The following TACR3 variants were observed in gnomAD, a reference collection of about 807,000 sequenced individuals.
The protein encoded by TACR3 is neuromedin-K receptor.
Under a neutral mutation model 35.0 loss-of-function variants are expected in TACR3, and 34 were observed. That is an observed-to-expected ratio of 0.97 (90% confidence interval 0.74 to 1.30). The LOEUF is 1.30. Among genes scored for constraint, TACR3 ranks in the 50% most tolerant of loss-of-function variants. TACR3 has a pLI of 0.00. For missense variants in TACR3, 558 were observed against 591.7 expected, an observed-to-expected ratio of 0.94 and a Z score of 0.59; for synonymous variants, 233 against 221.1, an observed-to-expected ratio of 1.05 and a Z score of -0.48.
chr4:103,673,527 G>T (rs1002646694), intron 1 of TACR3, among the ~76,000 whole-genome samples: 1 of 152,070 alleles, frequency 6.6e-6, no homozygotes, highest in Non-Finnish European at 1.5e-5. Context: ...ACATGGGCAT[G>T]GTTCGTGAAG....
chr4:103,701,888 CA>C (rs1298158917), intron 1 of TACR3, among the ~76,000 whole-genome samples: 4 of 152,104 alleles, frequency 2.6e-5, no homozygotes, highest in Non-Finnish European at 1.5e-5. Flanking sequence ...ACACCTTATA[CA>C]AAAATTAATT....
intron 3 of TACR3, among the ~76,000 whole-genome samples, chr4:103,642,048 A>G (rs1052670526): frequency 3.3e-5 from 5 of 152,042 alleles, no homozygotes; most frequent in African/African-American, 7.2e-5. Context: ...TTCAAGGTCT[A>G]CTGAACAGCA....
At chr4:103,690,613 A>T (rs1434081704) in intron 1 of TACR3, among the ~76,000 whole-genome samples, 2 of 152,132 alleles carry the variant, frequency 1.3e-5, no homozygotes, top group Non-Finnish European at 2.9e-5. Flanking sequence ...AGAGATGTGA[A>T]CACCATTCAC....
chr4:103,695,533 C>T (rs867039568), intron 1 of TACR3, among the ~76,000 whole-genome samples: 2 of 152,082 alleles, frequency 1.3e-5, no homozygotes, highest in Admixed American at 6.6e-5. Context: ...GTATATAATA[C>T]ATATAACATA....
At chr4:103,629,921 G>T (rs1189176446) in intron 3 of TACR3, among the ~76,000 whole-genome samples, 2 of 145,398 alleles carry the variant, frequency 1.4e-5, no homozygotes, top group Non-Finnish European at 3.0e-5. Context: ...GAGGCATCAC[G>T]CTACTTGACT....
intron 3 of TACR3, among the ~76,000 whole-genome samples, chr4:103,650,721 AT>A (rs1942612969): frequency 7.6e-5 from 4 of 52,646 alleles, no homozygotes; most frequent in South Asian, 8.6e-4. Flanking sequence ...ATATATATAA[AT>A]AAATATATAT....
At chr4:103,590,351 AG>A (rs1723866461) in intron 4 of TACR3, among the ~76,000 whole-genome samples, 1 of 152,230 alleles carries the variant, frequency 6.6e-6, no homozygotes, top group Non-Finnish European at 1.5e-5. Context: ...TAATTGAATT[AG>A]GCTGGCCAGT....
At chr4:103,705,135 A>T (rs955918468) in intron 1 of TACR3, among the ~76,000 whole-genome samples, 1 of 152,148 alleles carries the variant, frequency 6.6e-6, no homozygotes, top group African/African-American at 2.4e-5. Flanking sequence ...TTAAATCCTG[A>T]GTAGAAAAAA....
chr4:103,618,589 T>TG (rs1360993504), intron 3 of TACR3, among the ~76,000 whole-genome samples: 1 of 126,182 alleles, frequency 7.9e-6, no homozygotes, highest in African/African-American at 2.9e-5. Flanking sequence ...TTTTTTTTTT[T>TG]TTGTTCCATA....
At chr4:103,649,358 T>C (rs1339456654) in intron 3 of TACR3, among the ~76,000 whole-genome samples, 1 of 152,118 alleles carries the variant, frequency 6.6e-6, no homozygotes, top group Non-Finnish European at 1.5e-5. Context: ...AAGAACTCTT[T>C]GCCTAGTTCA....
chr4:103,703,497 A>G (rs1722711775), intron 1 of TACR3, among the ~76,000 whole-genome samples: 1 of 152,194 alleles, frequency 6.6e-6, no homozygotes, highest in Non-Finnish European at 1.5e-5. Flanking sequence ...ATATAAAACT[A>G]TATCGGACTG....
intron 1 of TACR3, among the ~76,000 whole-genome samples, chr4:103,701,565 G>C (rs552640811): frequency 2.6e-5 from 4 of 152,138 alleles, no homozygotes; most frequent in East Asian, 3.9e-4. Context: ...AGTACATATG[G>C]AACCAAAAAA....
intron 3 of TACR3, among the ~76,000 whole-genome samples, chr4:103,649,414 G>C: frequency 6.6e-6 from 1 of 152,004 alleles, no homozygotes; most frequent in Non-Finnish European, 1.5e-5. Flanking sequence ...TAGTTTCATA[G>C]TTTCAGGTCT....
chr4:103,673,747 T>C (rs1394913489), intron 1 of TACR3, among the ~76,000 whole-genome samples: 1 of 152,180 alleles, frequency 6.6e-6, no homozygotes, highest in Non-Finnish European at 1.5e-5. Flanking sequence ...AAGCACAATA[T>C]CTGCAAGGTG....
rs368204811 is a variant in TACR3 at position 103,645,049 on chromosome 4, A to G, written c.888+11145T>C. ...TACAACAAAGTACATAAAGATAAAT[A>G]AATTGGCATGGAAAAAGAGTCAGAC... On this transcript the variant is annotated intron_variant, in intron 3 of 4. Coordinates refer to ENST00000304883, the MANE Select transcript of TACR3 (RefSeq NM_001059.3). Among the ~76,000 whole-genome samples the G allele has an allele frequency of 3.6e-4, 54 of 152,000 alleles. No individual in the cohort carries two copies. In the East Asian group the frequency reaches 8.1e-3, roughly 23 times the overall value.
At chr4:103,683,824 T>C (rs1033929601) in intron 1 of TACR3, among the ~76,000 whole-genome samples, 4 of 139,760 alleles carry the variant, frequency 2.9e-5, no homozygotes, top group Non-Finnish European at 4.5e-5. Context: ...GGAGGAGAGA[T>C]GGGAGAAGAG....
chr4:103,638,836 A>G (rs1196127648), intron 3 of TACR3, among the ~76,000 whole-genome samples: 2 of 152,186 alleles, frequency 1.3e-5, no homozygotes, highest in Non-Finnish European at 2.9e-5. Context: ...AACACATGAA[A>G]AAATGCTCAT....
chr4:103,615,421 GA>G, intron 3 of TACR3, among the ~76,000 whole-genome samples: 1 of 151,180 alleles, frequency 6.6e-6, no homozygotes, highest in African/African-American at 2.4e-5. Flanking sequence ...GAGAGAGAGA[GA>G]GAGAGAGAGG....
intron 3 of TACR3, among the ~76,000 whole-genome samples, chr4:103,613,984 G>C (rs1724574275): frequency 6.6e-6 from 1 of 152,084 alleles, no homozygotes; most frequent in African/African-American, 2.4e-5. Flanking sequence ...ATTGTATAAG[G>C]ATCCCATTTT....
Sources: gnomAD v4.1 joint callset for allele counts (sites outside exome capture counted in the v4.1 genomes callset) on GRCh38, gnomAD v4.1.1 for gene constraint, MANE v1.5 for transcripts, NCBI Gene and HGNC (gene_info 2026-07-23, HGNC 2026-07-21) for gene names.